The following SRD5A3 variants were observed in gnomAD, a reference collection of about 807,000 sequenced individuals.
The protein encoded by SRD5A3 is polyprenal reductase.
SRD5A3 carries 24 observed loss-of-function variants against 34.3 expected under a neutral mutation model. That is an observed-to-expected ratio of 0.70 (90% confidence interval 0.51 to 0.99). The LOEUF is 0.99. Ranked by LOEUF, SRD5A3 falls within the 50% of genes least tolerant of loss-of-function variation. SRD5A3 has a pLI of 0.00. For synonymous variants in SRD5A3, 161 were observed against 167.3 expected, an observed-to-expected ratio of 0.96 and a Z score of 0.29; for missense variants, 350 against 388.2, an observed-to-expected ratio of 0.90 and a Z score of 0.83.
rs1482361634 is a variant in SRD5A3 at position 55,359,403 on chromosome 4, C to A, written c.279C>A (p.Cys93Ter). 6.2e-7 allele frequency: 1 copy of A among 1,613,910 alleles called. No homozygotes were observed. Among genetic ancestry groups the A allele is most frequent in the Admixed American group, 1.7e-5 (1 of 59,972 alleles). Reference protein sequence around the residue: ...SVLWNGFLLWCLTQSLFLGAP... With the variant: ...SVLWNGFLLW The stretch of plus-strand genomic sequence containing the variant: ...TGTGGAATGGCTTCCTGCTTTGGTG[C>A]CTTACTCAATCTCTGTTCCTGGGAG... The change falls in exon 2 of 5, where the codon TGC (cysteine) becomes TGA (stop). Residue 93 changes from cysteine (C) to a stop codon, truncating the protein, a stop_gained. Coordinates refer to ENST00000264228, the MANE Select transcript of SRD5A3 (RefSeq NM_024592.5). LOFTEE classifies it high-confidence loss of function.
At chr4:55,349,753 G>A (rs1252657761) in intron 1 of SRD5A3, among the ~76,000 whole-genome samples, 4 of 152,180 alleles carry the variant, frequency 2.6e-5, no homozygotes, top group Non-Finnish European at 4.4e-5. Context: ...GAGGCAAAAA[G>A]AGCTGCCCAG....
Position 55,346,287 on chromosome 4 carries a change from G to A in SRD5A3, c.-50G>A. The A allele has an allele frequency of 1.5e-6, 2 of 1,354,722 alleles. No homozygotes were observed. Among genetic ancestry groups the A allele is most frequent in the South Asian group, 3.6e-5 (2 of 55,514 alleles). The allele number at this position is 1,354,722 out of a possible 1,614,324, so 83.9% of individuals were successfully genotyped here. ...CGCGCTAGTGGCCGCTCTTCCGCGG[G>A]CTAGCGGGCGGTGGGGGCGCCAGCA... On this transcript the variant is annotated 5_prime_UTR_variant, in exon 1 of 5. Transcript: ENST00000264228.
At chr4:55,365,344 C>CT (rs1178548843) in intron 3 of SRD5A3, among the ~76,000 whole-genome samples, 1 of 152,208 alleles carries the variant, frequency 6.6e-6, no homozygotes, top group Non-Finnish European at 1.5e-5. Context: ...CCTAAGGCCT[C>CT]TGACTAGAGG....
rs567897048 is a variant in SRD5A3 at position 55,367,652 on chromosome 4, G to A, written c.627G>A (p.Met209Ile). The change falls in exon 4 of 5, where the codon ATG (methionine) becomes ATA (isoleucine). Residue 209 changes from methionine (M) to isoleucine (I), a missense_variant. Coordinates refer to ENST00000264228, the MANE Select transcript of SRD5A3 (RefSeq NM_024592.5). The stretch of plus-strand genomic sequence containing the variant: ...GGTTCCATATTCTTGGGATGATGAT[G>A]TTCATCTGGTCATCTGCCCATCAGT... ...ARWFHILGMMMFIWSSAHQYK... is the reference protein window; with the variant it reads ...ARWFHILGMMIFIWSSAHQYK... 1.2e-4 allele frequency: 195 copies of A among 1,614,074 alleles called. 1 individual carries two copies. In the South Asian group the frequency reaches 2.0e-3, roughly 17 times the overall value.
chr4:55,348,494 C>T (rs1313953076), intron 1 of SRD5A3, among the ~76,000 whole-genome samples: 1 of 152,064 alleles, frequency 6.6e-6, no homozygotes, highest in Non-Finnish European at 1.5e-5. Context: ...TTATACGTCT[C>T]TGTATTTTCC....
intron 4 of SRD5A3, among the ~76,000 whole-genome samples, chr4:55,368,780 C>G (rs1720007612): frequency 6.6e-6 from 1 of 151,290 alleles, no homozygotes; most frequent in African/African-American, 2.4e-5. Context: ...ACTCTGTCAC[C>G]CAGGCTGGAG....
intron 2 of SRD5A3, among the ~76,000 whole-genome samples, chr4:55,363,326 T>G (rs111777682): frequency 0.012 from 1,893 of 152,138 alleles, 44 homozygotes; most frequent in African/African-American, 0.042. Flanking sequence ...TTCTAGCCAC[T>G]CAGGAAGCTG....
rs1464634081 is a variant in SRD5A3, at chr4:55,367,601, G to GA, written c.581dup (p.Asn194LysfsTer26). 6.2e-7 allele frequency: 1 copy of GA among 1,613,922 alleles called. No homozygotes were observed. The highest frequency in any genetic ancestry group is 1.3e-5 in the African/African-American group (1 of 74,922). ...TCATTCCTATAGCCTACATAACAGG[G>GA]AAAAATCTATTGATGCAAGCACGGT... is the stretch of plus-strand genomic sequence containing the variant. On this transcript the variant is annotated frameshift_variant, in exon 4 of 5. Transcript: ENST00000264228. LOFTEE classifies it high-confidence loss of function.
intron 1 of SRD5A3, among the ~76,000 whole-genome samples, chr4:55,351,524 CAAA>C (rs576977778): frequency 6.9e-6 from 1 of 145,054 alleles, no homozygotes; most frequent in African/African-American, 2.5e-5. Context: ...ACAAAAAATA[CAAA>C]AAAAAAAATT....
chr4:55,362,584 A>T (rs1356946134), intron 2 of SRD5A3, among the ~76,000 whole-genome samples: 1 of 151,464 alleles, frequency 6.6e-6, no homozygotes, highest in East Asian at 1.9e-4. Context: ...CCTCTTGAGT[A>T]GTTGGGACTA....
chr4:55,355,619 G>C (rs1281657592), intron 1 of SRD5A3, among the ~76,000 whole-genome samples: 2 of 152,178 alleles, frequency 1.3e-5, no homozygotes, highest in African/African-American at 4.8e-5. Context: ...ACCCACTTGA[G>C]TGATATGCTT....
chr4:55,355,236 A>C (rs1006654581), intron 1 of SRD5A3, among the ~76,000 whole-genome samples: 1 of 152,114 alleles, frequency 6.6e-6, no homozygotes, highest in Non-Finnish European at 1.5e-5. Flanking sequence ...AGGCGGGTGG[A>C]TCATGAGGTT....
intron 2 of SRD5A3, among the ~76,000 whole-genome samples, chr4:55,362,930 C>A (rs574863574): frequency 6.6e-6 from 1 of 150,992 alleles, no homozygotes; most frequent in South Asian, 2.1e-4. Flanking sequence ...ACTGCAACCT[C>A]CACCTCCCAG....
At chr4:55,353,336 A>G (rs1250005676) in intron 1 of SRD5A3, among the ~76,000 whole-genome samples, 1 of 152,200 alleles carries the variant, frequency 6.6e-6, no homozygotes, top group Non-Finnish European at 1.5e-5. Context: ...GTACTCTGTA[A>G]AAATGCACCA....
chr4:55,359,387 G>T lies in SRD5A3; in HGVS notation c.263G>T (p.Gly88Val), dbSNP rs893706862. ...HFYIISVLWN[G>V]FLLWCLTQSL... The stretch of plus-strand genomic sequence containing the variant: ...TATATCATCTCAGTGCTGTGGAATG[G>T]CTTCCTGCTTTGGTGCCTTACTCAA... The change falls in exon 2 of 5, where the codon GGC (glycine) becomes GTC (valine). Residue 88 changes from glycine (G) to valine (V), a missense_variant. Gly to Val is a moderately radical substitution (Grantham distance 109, BLOSUM62 -3). This residue lies in a region of SRD5A3 where 159 missense variants were observed against 149.1 expected (regional missense o/e 1.07). Transcript: ENST00000264228. 12 of 1,613,874 alleles carry T rather than the reference G, an allele frequency of 7.4e-6. No homozygotes were observed. The highest frequency in any genetic ancestry group is 1.0e-5 in the Non-Finnish European group (12 of 1,180,002).
intron 4 of SRD5A3, among the ~76,000 whole-genome samples, chr4:55,368,858 C>T (rs1720012065): frequency 6.6e-6 from 1 of 152,108 alleles, no homozygotes; most frequent in Non-Finnish European, 1.5e-5. Flanking sequence ...CATGCCTCAG[C>T]CTCCCAAGTA....
In SRD5A3 at chr4:55,359,356, C is replaced by T. The variant is rs755066593; in HGVS notation, c.232C>T (p.His78Tyr). 2 of 1,614,026 alleles carry T rather than the reference C, an allele frequency of 1.2e-6. No individual in the cohort carries two copies. The highest frequency in any genetic ancestry group is 1.7e-6 in the Non-Finnish European group (2 of 1,180,018). Residue 78 changes from histidine to tyrosine, a missense_variant, in exon 2 of 5, where the codon CAC becomes TAC. This residue lies in a region of SRD5A3 where 159 missense variants were observed against 149.1 expected (regional missense o/e 1.07). Transcript: ENST00000264228. The part of the protein sequence containing the change: ...AFDVPKRYFS[H>Y]FYIISVLWNG... ...GTTTTCCTTTTGCAGATATTTTTCC[C>T]ACTTTTATATCATCTCAGTGCTGTG...
At position 55,346,383 on chromosome 4, in the gene SRD5A3, G is replaced by A; in HGVS notation, c.47G>A (p.Arg16His). The stretch of plus-strand genomic sequence containing the variant: ...GAGCACTCGGCGCTGAACCCGCTGC[G>A]CGCGGTGTGGCTCACGCTGACCGCC... ...EAEHSALNPLRAVWLTLTAAF... is the reference protein window; with the variant it reads ...EAEHSALNPLHAVWLTLTAAF... Residue 16 changes from arginine (R) to histidine (H), a missense_variant, in exon 1 of 5, where the codon CGC becomes CAC. Around this residue, in one of 3 missense-constraint regions of SRD5A3, gnomAD observed 159 missense variants for 149.1 expected, o/e 1.07. Coordinates refer to ENST00000264228, the MANE Select transcript of SRD5A3 (RefSeq NM_024592.5). The A allele has an allele frequency of 3.2e-6, 5 of 1,572,202 alleles. No individual in the cohort carries two copies. Among genetic ancestry groups the A allele is most frequent in the Non-Finnish European group, 4.3e-6 (5 of 1,161,824 alleles).
chr4:55,346,329 C>G lies in SRD5A3; in HGVS notation c.-8C>G, dbSNP rs1718990245. On this transcript the variant is annotated 5_prime_UTR_variant, in exon 1 of 5. Transcript: ENST00000264228. Reference sequence around the variant, plus strand: ...GCGCCAGCAGCGCGGAAGGCGGGCACGCGGGCCATGGCTCCCTGGGCGGAG... The same window carrying G: ...GCGCCAGCAGCGCGGAAGGCGGGCAGGCGGGCCATGGCTCCCTGGGCGGAG... 7.0e-7 allele frequency: 1 copy of G among 1,433,618 alleles called. No individual in the cohort carries two copies. Among genetic ancestry groups the G allele is most frequent in the Non-Finnish European group, 9.1e-7 (1 of 1,096,318 alleles). 88.8% of individuals were successfully genotyped at this position (1,433,618 alleles called of 1,614,324 possible). A position where few individuals can be genotyped will look rare whatever the true frequency, so the allele number is the denominator to read the frequency against.
Sources: allele counts gnomAD v4.1 joint callset (sites outside exome capture counted in the v4.1 genomes callset), GRCh38; gene constraint gnomAD v4.1.1; regional missense constraint gnomAD v4.1.1; transcripts MANE v1.5; gene names NCBI Gene and HGNC (gene_info 2026-07-23, HGNC 2026-07-21).